KLHL2: variants seen among roughly 807,000 people sequenced by gnomAD.
KLHL2 encodes kelch like family member 2.
In KLHL2, 15 loss-of-function variants were observed where a neutral mutation model predicts 75.8. The observed-to-expected ratio is 0.20, with a 90% CI of 0.13 to 0.30. The LOEUF (loss-of-function observed/expected upper bound fraction) is 0.30, where lower values mean the gene tolerates loss of function less well. Ranked by LOEUF, KLHL2 falls within the 10% of genes least tolerant of loss-of-function variation. KLHL2 has a pLI of 1.00. For missense variants in KLHL2, 381 were observed against 741.0 expected (o/e 0.51, Z 5.64); for synonymous variants, 214 against 251.9 (o/e 0.85, Z 1.42).
At position 165,313,229 on chromosome 4, in the gene KLHL2, T is replaced by C; in HGVS notation, c.1340-9T>C. ...ATAAATTTGGCTTTCTATGTGATTT[T>C]ATGTGTAGGTTTGCTCTATGCTGTA... On this transcript the variant is annotated splice_polypyrimidine_tract_variant and intron_variant, in intron 11 of 14. Coordinates refer to ENST00000226725, the MANE Select transcript of KLHL2 (RefSeq NM_007246.4). 1 of 1,606,322 alleles carries C rather than the reference T, an allele frequency of 6.2e-7. No individual in the cohort carries two copies.
chr4:165,263,328 C>T lies in KLHL2; in HGVS notation c.513C>T (p.Thr171=), dbSNP rs17852052. ...IRAFADMHAC[T]DLLNKANTYA... ...CTTTTGCTGATATGCATGCATGTAC[C>T]GACCTTCTGAACAAGGCCAACACCT... is the stretch of plus-strand genomic sequence containing the variant. The change falls in exon 5 of 15, where the codon ACC becomes ACT. Residue 171 remains threonine (T), a synonymous_variant. Transcript: ENST00000226725. 2.2e-5 allele frequency: 36 copies of T among 1,613,832 alleles called. No homozygotes were observed. The South Asian group carries it at 2.3e-4, about 10-fold the overall frequency.
At position 165,319,769 on chromosome 4, in the gene KLHL2, G is replaced by A. The variant is rs569861747; in HGVS notation, c.1753+1800G>A. ...CCTGAGTAGCTGGGATTACAGGGATGTGCCACCACACCTGGCTAATTTTTA... is the reference window on the plus strand; with the variant it reads ...CCTGAGTAGCTGGGATTACAGGGATATGCCACCACACCTGGCTAATTTTTA... On this transcript the variant is annotated intron_variant, in intron 14 of 14. Transcript: ENST00000226725. The surrounding 1 kb of genome is among the most constrained non-coding windows in gnomAD (Gnocchi z 4.5). Among the ~76,000 whole-genome samples, 3 of 152,020 alleles carry A rather than the reference G, an allele frequency of 2.0e-5. No individual in the cohort carries two copies. Among genetic ancestry groups the A allele is most frequent in the African/African-American group, 4.8e-5 (2 of 41,374 alleles).
At chr4:165,292,012 A>G (rs1295536602) in intron 5 of KLHL2, among the ~76,000 whole-genome samples, 2 of 151,978 alleles carry the variant, frequency 1.3e-5, no homozygotes, top group African/African-American at 2.4e-5. Context: ...TACTTTAAAT[A>G]ATCTCTAGAT....
intron 3 of KLHL2, among the ~76,000 whole-genome samples, chr4:165,232,878 C>CA (rs1553998762): frequency 1.9e-5 from 1 of 52,570 alleles, no homozygotes; most frequent in Non-Finnish European, 3.7e-5. Context: ...CCCTGTTAAG[C>CA]TTTTTTTTTT....
In KLHL2 at chr4:165,207,938, A is replaced by G; in HGVS notation, c.26+36A>G. ...GGGCGGGCGGGCTGCGCCGCTGCGG[A>G]TAAGCGCGCCGCTGCGGCGCGTGTC... On this transcript the variant is annotated intron_variant, in intron 1 of 14. Coordinates refer to ENST00000226725, the MANE Select transcript of KLHL2 (RefSeq NM_007246.4). This position sits in a 1 kb window ranked among gnomAD's most constrained non-coding sequence, Gnocchi z 4.2. The G allele has an allele frequency of 2.2e-6, 3 of 1,356,678 alleles. No homozygotes were observed. The highest frequency in any genetic ancestry group is 2.9e-6 in the Non-Finnish European group (3 of 1,050,080). 84.0% of individuals were successfully genotyped at this position (1,356,678 alleles called of 1,614,324 possible). A position where few individuals can be genotyped will look rare whatever the true frequency, so the allele number is the denominator to read the frequency against.
At chr4:165,301,193 C>T (rs552317299) in intron 8 of KLHL2, among the ~76,000 whole-genome samples, 2 of 152,280 alleles carry the variant, frequency 1.3e-5, no homozygotes, top group African/African-American at 4.8e-5. Context: ...CATATAACAT[C>T]TGATGAGGTT....
At chr4:165,273,211 G>A (rs11725167) in intron 5 of KLHL2, among the ~76,000 whole-genome samples, 46,160 of 151,768 alleles carry the variant, frequency 0.3, 7,567 homozygotes, top group African/African-American at 0.39. Context: ...TCTAATGTAC[G>A]TATAGAAAAG....
rs202171529 is a variant in KLHL2, at chr4:165,311,807, CTCTGTG to C, written c.1339+244_1339+249del. On this transcript the variant is annotated intron_variant, in intron 11 of 14. Transcript: ENST00000226725. ...CCTCCCTTTATCCCTCCTCCTTTCT[CTCTGTG>C]TGTGTGTGTGTGTGTGTGTGTGTGT... Among the ~76,000 whole-genome samples, 399 of 111,720 alleles carry C rather than the reference CTCTGTG, an allele frequency of 3.6e-3. 6 individuals are homozygous for C. The highest frequency in any genetic ancestry group is 0.016 in the African/African-American group (367 of 23,600). 73.3% of individuals were successfully genotyped at this position (111,720 alleles called of 152,430 possible). A position where few individuals can be genotyped will look rare whatever the true frequency, so the allele number is the denominator to read the frequency against.
intron 5 of KLHL2, among the ~76,000 whole-genome samples, chr4:165,285,021 G>C (rs1743980277): frequency 6.6e-6 from 1 of 152,084 alleles, no homozygotes; most frequent in Middle Eastern, 3.2e-3. Context: ...CTCCCACCAG[G>C]TCCCTCCCAC....
chr4:165,266,805 T>G (rs1019817705), intron 5 of KLHL2, among the ~76,000 whole-genome samples: 1 of 152,222 alleles, frequency 6.6e-6, no homozygotes, highest in African/African-American at 2.4e-5. Context: ...CTATGTGGGC[T>G]CTTTTTTGTT....
At chr4:165,259,016 A>G (rs1267230982) in intron 4 of KLHL2, among the ~76,000 whole-genome samples, 1 of 152,188 alleles carries the variant, frequency 6.6e-6, no homozygotes, top group Non-Finnish European at 1.5e-5. Context: ...AAATAAGTTT[A>G]CTTGAGAAGG....
chr4:165,249,727 CAG>C (rs1200101980), intron 4 of KLHL2, among the ~76,000 whole-genome samples: 2 of 152,234 alleles, frequency 1.3e-5, no homozygotes, highest in Non-Finnish European at 2.9e-5. Flanking sequence ...TTCATTGACA[CAG>C]AGATTCTCAA....
intron 4 of KLHL2, among the ~76,000 whole-genome samples, chr4:165,244,989 C>T (rs1740138382): frequency 6.6e-6 from 1 of 152,062 alleles, no homozygotes; most frequent in Non-Finnish European, 1.5e-5. Context: ...AGGCGGATCA[C>T]CTGAGCTCAG....
At chr4:165,226,397 T>TA (rs1738435754) in intron 2 of KLHL2, among the ~76,000 whole-genome samples, 1 of 152,222 alleles carries the variant, frequency 6.6e-6, no homozygotes, top group South Asian at 2.1e-4. Flanking sequence ...AGCTAACTCT[T>TA]ACTTGTTTTT....
intron 2 of KLHL2, among the ~76,000 whole-genome samples, chr4:165,221,846 G>C (rs1394936860): frequency 6.6e-6 from 1 of 152,124 alleles, no homozygotes. Flanking sequence ...TGCTGTTTCA[G>C]GATTTTAATC....
intron 4 of KLHL2, among the ~76,000 whole-genome samples, chr4:165,239,823 A>C (rs574358019): frequency 6.1e-4 from 93 of 152,270 alleles, no homozygotes; most frequent in African/African-American, 2.0e-3. Context: ...ATATACTGTG[A>C]ATCCCTTCAG....
intron 4 of KLHL2, among the ~76,000 whole-genome samples, chr4:165,256,344 GACA>G (rs1420651313): frequency 6.6e-6 from 1 of 152,070 alleles, no homozygotes; most frequent in Non-Finnish European, 1.5e-5. Flanking sequence ...TTTTCAAAAT[GACA>G]ACATTTTAAG....
rs1031917240 is a variant in KLHL2, at chr4:165,217,222, G to A, written c.27-2712G>A. 5.3e-5 allele frequency among the ~76,000 whole-genome samples: 8 copies of A among 152,096 alleles called. No individual in the cohort carries two copies. The East Asian group carries it at 5.8e-4, about 11-fold the overall frequency. On this transcript the variant is annotated intron_variant, in intron 1 of 14. Coordinates refer to ENST00000226725, the MANE Select transcript of KLHL2 (RefSeq NM_007246.4). ...ATAGAATAAGTATTACCTTGCTATC[G>A]TATATAGACATGCAGTGTTACATGG... is the stretch of plus-strand genomic sequence containing the variant.
chr4:165,226,909 A>G (rs531862598), intron 2 of KLHL2, among the ~76,000 whole-genome samples: 16 of 152,236 alleles, frequency 1.1e-4, no homozygotes, highest in African/African-American at 2.2e-4. Context: ...TTCCCCAGCT[A>G]TAAATTTGGG....
Sources: allele counts gnomAD v4.1 joint callset (sites outside exome capture counted in the v4.1 genomes callset), GRCh38; gene constraint gnomAD v4.1.1; non-coding constraint Gnocchi (gnomAD v3.1); transcripts MANE v1.5; gene names NCBI Gene and HGNC (gene_info 2026-07-23, HGNC 2026-07-21).